Variants in DZIP1L observed in about 807,000 individuals in gnomAD.
DZIP1L encodes the protein DAZ interacting zinc finger protein 1 like, also known as cilium assembly protein DZIP1L.
In DZIP1L, 90 loss-of-function variants were observed where a neutral mutation model predicts 88.7. The ratio of observed to expected loss-of-function variants is 1.02; its 90% CI spans 0.86 to 1.21. The LOEUF is 1.21. Among genes scored for constraint, DZIP1L ranks in the 50% most tolerant of loss-of-function variants. The pLI is 0.00. For missense variants in DZIP1L, 932 were observed against 955.8 expected, an observed-to-expected ratio of 0.98 and a Z score of 0.33; for synonymous variants, 363 against 372.1, an observed-to-expected ratio of 0.98 and a Z score of 0.28.
At chr3:138,094,729 G>T in intron 4 of DZIP1L, 133 bp downstream of exon 4, 1 of 1,381,148 alleles carries the variant, frequency 7.2e-7, no homozygotes, top group Non-Finnish European at 9.8e-7. Flanking sequence ...TGTCCAAGAA[G>T]GCACTATCCC....
chr3:138,069,533 G>A (rs1943076461), intron 12 of DZIP1L, among the ~76,000 whole-genome samples: 1 of 152,174 alleles, frequency 6.6e-6, no homozygotes, highest in Admixed American at 6.5e-5. Flanking sequence ...TTCCAGGAAA[G>A]AGTGAACTGA....
Position 138,113,139 on chromosome 3 carries a change from A to G in DZIP1L, c.-82+2189T>C, listed in dbSNP as rs572537439. The stretch of plus-strand genomic sequence containing the variant: ...TGTTAAGAGTTGGTTTCTGCCTGGG[A>G]CAATCCCACACCCATCTAGAATATA... On this transcript the variant is annotated intron_variant, in intron 1 of 15. Coordinates refer to ENST00000327532, the MANE Select transcript of DZIP1L (RefSeq NM_173543.3). Among the ~76,000 whole-genome samples the G allele has an allele frequency of 3.6e-4, 55 of 152,284 alleles. 1 individual carries two copies. The highest frequency in any genetic ancestry group is 1.3e-3 in the African/African-American group (53 of 41,566).
intron 2 of DZIP1L, chr3:138,102,517 C>T: frequency 7.4e-7 from 1 of 1,348,368 alleles, no homozygotes; most frequent in Non-Finnish European, 1.1e-6. Context: ...TCCATGTTAA[C>T]TCTGAGCCGT....
intron 1 of DZIP1L, among the ~76,000 whole-genome samples, chr3:138,113,982 T>A (rs938695380): frequency 1.3e-5 from 2 of 150,756 alleles, no homozygotes; most frequent in African/African-American, 4.8e-5. Context: ...GAGGAATGAA[T>A]ACTGACATGT....
Position 138,062,739 on chromosome 3 carries a change from G to T in DZIP1L, c.*77C>A. Reference sequence around the variant, plus strand: ...GTTGTTTGTGAAGACAAGAGGCCCAGCAGCCTCTTCTGTTGAAGTGGACCT... The same window carrying T: ...GTTGTTTGTGAAGACAAGAGGCCCATCAGCCTCTTCTGTTGAAGTGGACCT... On this transcript the variant is annotated 3_prime_UTR_variant, in exon 16 of 16. Transcript: ENST00000327532. 1 of 1,506,538 alleles carries T rather than the reference G, an allele frequency of 6.6e-7. No individual in the cohort carries two copies. Among genetic ancestry groups the T allele is most frequent in the Non-Finnish European group, 9.1e-7 (1 of 1,093,406 alleles). 93.3% of individuals were successfully genotyped at this position (1,506,538 alleles called of 1,614,324 possible).
At chr3:138,092,267 C>G in intron 5 of DZIP1L, 116 bp downstream of exon 5, 1 of 1,179,700 alleles carries the variant, frequency 8.5e-7, no homozygotes, top group Non-Finnish European at 1.1e-6. Flanking sequence ...GATAACTGGC[C>G]TCACAGTGTT....
chr3:138,091,504 G>A (rs1304486090), intron 5 of DZIP1L, among the ~76,000 whole-genome samples: 1 of 151,546 alleles, frequency 6.6e-6, no homozygotes, highest in African/African-American at 2.4e-5. Flanking sequence ...TGTAATCCCA[G>A]TTACTCCGGA....
At chr3:138,073,189 G>T (rs1943258149) in intron 11 of DZIP1L, among the ~76,000 whole-genome samples, 1 of 152,122 alleles carries the variant, frequency 6.6e-6, no homozygotes, top group African/African-American at 2.4e-5. Context: ...GGGCAAGTAG[G>T]GAAGTATGCA....
chr3:138,097,865 A>AC lies in DZIP1L; in HGVS notation c.502-19_502-18insG, dbSNP rs1473903882. The AC allele has an allele frequency of 6.2e-7, 1 of 1,602,552 alleles. No individual in the cohort carries two copies. The highest frequency in any genetic ancestry group is 1.7e-5 in the Admixed American group (1 of 58,756). The stretch of plus-strand genomic sequence containing the variant: ...AGGTGGCACTATACAGAGAGGAAGC[A>AC]ATGGGGAGTACAAGATTAGGTCACC... On this transcript the variant is annotated intron_variant, in intron 2 of 15. Coordinates refer to ENST00000327532, the MANE Select transcript of DZIP1L (RefSeq NM_173543.3).
At position 138,103,828 on chromosome 3, in the gene DZIP1L, C is replaced by T. The variant is rs769320356; in HGVS notation, c.144G>A (p.Arg48=). Residue 48 remains arginine (R), a synonymous_variant, in exon 2 of 16, where the codon CGG becomes CGA. Coordinates refer to ENST00000327532, the MANE Select transcript of DZIP1L (RefSeq NM_173543.3). ...CCTGCAGAGTGGCCACATCCAGTTC[C>T]CGGGCCACGCGGTCTACATCCAGGG... The part of the protein sequence containing the change: ...ISTLDVDRVA[R]ELDVATLQEN... 1 of 1,614,192 alleles carries T rather than the reference C, an allele frequency of 6.2e-7. No individual in the cohort carries two copies. Among genetic ancestry groups the T allele is most frequent in the Non-Finnish European group, 8.5e-7 (1 of 1,180,048 alleles).
intron 10 of DZIP1L, 67 bp downstream of exon 10, chr3:138,080,500 T>C: frequency 1.9e-6 from 3 of 1,568,780 alleles, no homozygotes; most frequent in Non-Finnish European, 2.6e-6. Context: ...AGAGACAAAC[T>C]AAACAAGGAG....
chr3:138,082,022 T>C (rs1943685226), intron 8 of DZIP1L, among the ~76,000 whole-genome samples: 1 of 152,242 alleles, frequency 6.6e-6, no homozygotes, highest in African/African-American at 2.4e-5. Flanking sequence ...AGAAGAATTA[T>C]GCCTCGAGGG....
intron 4 of DZIP1L, 106 bp downstream of exon 4, chr3:138,094,756 T>G: frequency 6.6e-7 from 1 of 1,522,924 alleles, no homozygotes. Flanking sequence ...GACTCCCAGC[T>G]CTGGGAAACT....
At chr3:138,106,724 C>T (rs969350127) in intron 1 of DZIP1L, among the ~76,000 whole-genome samples, 4 of 151,896 alleles carry the variant, frequency 2.6e-5, no homozygotes, top group Admixed American at 6.6e-5. Flanking sequence ...CCCAGCTACT[C>T]GGGAGGCTGA....
Position 138,064,681 on chromosome 3 carries a change from A to C in DZIP1L, c.2089T>G (p.Phe697Val), listed in dbSNP as rs758382573. Residue 697 changes from phenylalanine to valine, a missense_variant, in exon 15 of 16, where the codon TTT becomes GTT. Coordinates refer to ENST00000327532, the MANE Select transcript of DZIP1L (RefSeq NM_173543.3). The part of the protein sequence containing the change: ...KKPAGGVSLF[F>V]MPNAGPQRAA... The stretch of plus-strand genomic sequence containing the variant: ...CTCTGTGGCCCAGCATTGGGCATAA[A>C]AAACAGACTGACCCCTCCAGCAGGC... The C allele has an allele frequency of 3.1e-6, 5 of 1,614,156 alleles. No individual in the cohort carries two copies. In the Admixed American group the frequency reaches 5.0e-5, roughly 16 times the overall value.
chr3:138,111,484 C>T (rs1401476206), intron 1 of DZIP1L, among the ~76,000 whole-genome samples: 2 of 152,118 alleles, frequency 1.3e-5, no homozygotes, highest in Non-Finnish European at 2.9e-5. Context: ...AAGATATGGC[C>T]TCAGTGTTGG....
At chr3:138,092,253 C>G (rs1436119652) in intron 5 of DZIP1L, 130 bp downstream of exon 5, 11 of 1,023,760 alleles carry the variant, frequency 1.1e-5, no homozygotes, top group Non-Finnish European at 1.4e-5. Flanking sequence ...AATATCAGGC[C>G]TCTGATAACT....
At position 138,075,667 on chromosome 3, in the gene DZIP1L, A is replaced by G. The variant is rs374675517; in HGVS notation, c.1422+1832T>C. Among the ~76,000 whole-genome samples, 249 of 152,346 alleles carry G rather than the reference A, an allele frequency of 1.6e-3. 6 individuals carry two copies. The South Asian group carries it at 0.049, about 30-fold the overall frequency. ...ATACAGCAAGAGCAGTGCTAAGAGGAAAGTTCATGGCATTAAATGCTTACA... is the reference window on the plus strand; with the variant it reads ...ATACAGCAAGAGCAGTGCTAAGAGGGAAGTTCATGGCATTAAATGCTTACA... On this transcript the variant is annotated intron_variant, in intron 11 of 15. Transcript: ENST00000327532.
chr3:138,067,780 G>T, intron 13 of DZIP1L, 80 bp from the exon 14 acceptor site: 1 of 1,449,808 alleles, frequency 6.9e-7, no homozygotes, highest in Non-Finnish European at 9.1e-7. Flanking sequence ...CACGCTTCAA[G>T]CTGGTTTGGT....
Sources: gnomAD v4.1 joint callset for allele counts (sites outside exome capture counted in the v4.1 genomes callset) on GRCh38, gnomAD v4.1.1 for gene constraint, MANE v1.5 for transcripts, NCBI Gene and HGNC (gene_info 2026-07-23, HGNC 2026-07-21) for gene names.